Variants in PRKG1 observed in about 807,000 individuals in gnomAD.
PRKG1 encodes the protein protein kinase cGMP-dependent 1.
PRKG1 carries 35 observed loss-of-function variants against 88.1 expected under a neutral mutation model. That is an observed-to-expected ratio of 0.40 (90% CI 0.30 to 0.53). PRKG1 has a LOEUF of 0.53. Among genes scored for constraint, PRKG1 ranks in the 20% least tolerant of loss-of-function variants. PRKG1 has a pLI of 0.59. For synonymous variants in PRKG1, 303 were observed against 292.5 expected, an observed-to-expected ratio of 1.04 and a Z score of -0.37; for missense variants, 540 against 839.8, an observed-to-expected ratio of 0.64 and a Z score of 4.41.
intron 1 of PRKG1, among the ~76,000 whole-genome samples, chr10:51,104,403 A>G (rs572284744): frequency 1.6e-4 from 24 of 152,348 alleles, no homozygotes; most frequent in African/African-American, 5.8e-4. Context: ...ACTGAAAGGC[A>G]TTACTGACAA....
At chr10:51,922,485 T>C (rs1230166093) in intron 5 of PRKG1, among the ~76,000 whole-genome samples, 2 of 151,878 alleles carry the variant, frequency 1.3e-5, no homozygotes, top group African/African-American at 2.4e-5. Context: ...AATTACAGCT[T>C]AGATTATTTA....
intron 1 of PRKG1, among the ~76,000 whole-genome samples, chr10:51,033,810 C>A (rs1364466970): frequency 2.0e-5 from 3 of 151,796 alleles, no homozygotes; most frequent in Non-Finnish European, 4.4e-5. Flanking sequence ...AAAGTAAATA[C>A]CCTCAACTCA....
chr10:52,205,950 A>G (rs1282951338), intron 9 of PRKG1, among the ~76,000 whole-genome samples: 1 of 151,958 alleles, frequency 6.6e-6, no homozygotes, highest in Non-Finnish European at 1.5e-5. Flanking sequence ...CCTGAATTTG[A>G]ATGTTGACCT....
intron 3 of PRKG1, among the ~76,000 whole-genome samples, chr10:51,747,363 C>G (rs989039015): frequency 2.6e-5 from 4 of 152,138 alleles, no homozygotes; most frequent in African/African-American, 9.7e-5. Flanking sequence ...GAAGAAGCCA[C>G]TCACTGATCA....
chr10:51,296,090 G>A lies in PRKG1; in HGVS notation c.478+142760G>A, dbSNP rs189095218. 1.1e-4 allele frequency among the ~76,000 whole-genome samples: 17 copies of A among 151,988 alleles called. No individual in the cohort carries two copies. The East Asian group carries it at 3.1e-3, about 28-fold the overall frequency. On this transcript the variant is annotated intron_variant, in intron 2 of 17. Coordinates refer to ENST00000373980, the MANE Select transcript of PRKG1 (RefSeq NM_006258.4). ...ATGCTGTTTGCTAGTATTTTATTGA[G>A]GATTTTTGCATCAGTATTTATCAGG...
intron 3 of PRKG1, among the ~76,000 whole-genome samples, chr10:51,507,805 G>A (rs764488468): frequency 2.6e-5 from 4 of 152,092 alleles, no homozygotes; most frequent in Non-Finnish European, 4.4e-5. Context: ...TTACACCATC[G>A]AAGATGTTCT....
At chr10:51,770,915 ATG>A in intron 3 of PRKG1, among the ~76,000 whole-genome samples, 1 of 152,318 alleles carries the variant, frequency 6.6e-6, no homozygotes, top group South Asian at 2.1e-4. Flanking sequence ...GTTCTGAGAA[ATG>A]TGTCTTTAGG....
chr10:52,176,820 G>A (rs369749364), intron 9 of PRKG1, among the ~76,000 whole-genome samples: 14 of 151,862 alleles, frequency 9.2e-5, no homozygotes, highest in Admixed American at 2.0e-4. Flanking sequence ...CTAGTTTATC[G>A]TATGTGTATA....
chr10:51,738,051 A>G (rs941905504), intron 3 of PRKG1, among the ~76,000 whole-genome samples: 8 of 152,042 alleles, frequency 5.3e-5, no homozygotes, highest in Non-Finnish European at 1.5e-5. Flanking sequence ...TACAGGCATG[A>G]GTCACTGCAC....
At chr10:51,949,033 C>T (rs1488429852) in intron 5 of PRKG1, among the ~76,000 whole-genome samples, 1 of 152,088 alleles carries the variant, frequency 6.6e-6, no homozygotes, top group Non-Finnish European at 1.5e-5. Context: ...TTCATTATTG[C>T]GTCTTTGTCT....
At chr10:51,408,739 G>A (rs1420307874) in intron 2 of PRKG1, among the ~76,000 whole-genome samples, 1 of 152,214 alleles carries the variant, frequency 6.6e-6, no homozygotes, top group African/African-American at 2.4e-5. Context: ...CGCCACCATG[G>A]CCACTTTGTT....
intron 7 of PRKG1, among the ~76,000 whole-genome samples, chr10:52,064,562 G>T (rs1846312201): frequency 6.6e-6 from 1 of 152,200 alleles, no homozygotes; most frequent in South Asian, 2.1e-4. Context: ...GGCAGCTGTA[G>T]CTGCACCGGG....
rs1840762114 is a variant in PRKG1, at chr10:51,858,346, A to ATT, written c.699-49160_699-49159insTT. Among the ~76,000 whole-genome samples, 10 of 36,786 alleles carry ATT rather than the reference A, an allele frequency of 2.7e-4. 1 individual carries two copies. The highest frequency in any genetic ancestry group is 1.0e-3 in the South Asian group (1 of 998). The allele number at this position is 36,786 out of a possible 152,430, so 24.1% of individuals were successfully genotyped here. On this transcript the variant is annotated intron_variant, in intron 4 of 17. Coordinates refer to ENST00000373980, the MANE Select transcript of PRKG1 (RefSeq NM_006258.4). ...GTATTATATATAATATATATATTATATAAAATATATATATTATATATAATA... is the reference window on the plus strand; with the variant it reads ...GTATTATATATAATATATATATTATATTTAAAATATATATATTATATATAATA...
intron 3 of PRKG1, among the ~76,000 whole-genome samples, chr10:51,525,768 T>C (rs944659763): frequency 9.9e-5 from 15 of 151,248 alleles, no homozygotes; most frequent in African/African-American, 3.6e-4. Flanking sequence ...CCCATATACC[T>C]ACCACCAACC....
intron 2 of PRKG1, among the ~76,000 whole-genome samples, chr10:51,247,189 T>C (rs914831812): frequency 1.3e-5 from 2 of 152,018 alleles, no homozygotes; most frequent in African/African-American, 4.8e-5. Flanking sequence ...TTCCTATAGG[T>C]CAACTTTGTG....
intron 7 of PRKG1, among the ~76,000 whole-genome samples, chr10:52,081,196 G>A (rs972899000): frequency 1.3e-5 from 2 of 152,090 alleles, no homozygotes; most frequent in African/African-American, 4.8e-5. Context: ...TAGAAACTTT[G>A]GAGTTAATGT....
At chr10:51,862,138 G>T (rs1261840875) in intron 4 of PRKG1, among the ~76,000 whole-genome samples, 1 of 152,204 alleles carries the variant, frequency 6.6e-6, no homozygotes, top group Non-Finnish European at 1.5e-5. Context: ...CCACAGTGTG[G>T]CAAACAATGG....
At chr10:51,063,638 G>A (rs1348636096) in intron 1 of PRKG1, among the ~76,000 whole-genome samples, 2 of 152,106 alleles carry the variant, frequency 1.3e-5, no homozygotes, top group African/African-American at 4.8e-5. Flanking sequence ...GTTAATAAGA[G>A]TCATTTTCTA....
At chr10:52,091,619 C>G (rs921495747) in intron 7 of PRKG1, among the ~76,000 whole-genome samples, 69 of 152,142 alleles carry the variant, frequency 4.5e-4, no homozygotes, top group African/African-American at 1.5e-3. Flanking sequence ...ATATTTTAGA[C>G]ATTTGCAAAC....
Sources: gnomAD v4.1 joint callset for allele counts (sites outside exome capture counted in the v4.1 genomes callset) on GRCh38, gnomAD v4.1.1 for gene constraint, MANE v1.5 for transcripts, NCBI Gene and HGNC (gene_info 2026-07-23, HGNC 2026-07-21) for gene names.